GCH1: variants seen among roughly 807,000 people sequenced by gnomAD.
GCH1 encodes the protein GTP cyclohydrolase 1, also known as GTP cyclohydrolase I.
In GCH1, 5 loss-of-function variants were observed where a neutral mutation model predicts 25.9. The ratio of observed to expected loss-of-function variants is 0.19; its 90% CI spans 0.10 to 0.41. GCH1 has a LOEUF of 0.41. GCH1 is among the 10% of genes least tolerant of loss of function. The probability of loss-of-function intolerance (pLI) is 1.00; values close to 1 mark genes in which losing one functional copy is unlikely to be tolerated. For synonymous variants in GCH1, 159 were observed against 129.6 expected, an observed-to-expected ratio of 1.23 and a Z score of -1.54; for missense variants, 261 against 336.5, an observed-to-expected ratio of 0.78 and a Z score of 1.75.
intron 1 of GCH1, among the ~76,000 whole-genome samples, chr14:54,891,236 G>A (rs973651477): frequency 2.5e-4 from 38 of 151,950 alleles, no homozygotes; most frequent in African/African-American, 8.9e-4. Context: ...CCTAGCAGCT[G>A]GGATTACAGG....
At chr14:54,886,608 T>A (rs919703342) in intron 1 of GCH1, among the ~76,000 whole-genome samples, 1 of 152,040 alleles carries the variant, frequency 6.6e-6, no homozygotes, top group Non-Finnish European at 1.5e-5. Context: ...TGAAACTGTC[T>A]CAAAAAACAA....
intron 3 of GCH1, among the ~76,000 whole-genome samples, chr14:54,854,848 G>A (rs764940871): frequency 1.3e-5 from 2 of 152,146 alleles, no homozygotes; most frequent in African/African-American, 4.8e-5. Context: ...TGTGTTGGCC[G>A]AAGTGTGGAG....
intron 1 of GCH1, among the ~76,000 whole-genome samples, chr14:54,896,302 G>A (rs11844799): frequency 0.039 from 5,959 of 152,068 alleles, 430 homozygotes; most frequent in African/African-American, 0.14. Flanking sequence ...GTGCAGAAGC[G>A]TTTATGGACC....
chr14:54,848,105 T>C (rs1409692511), intron 3 of GCH1, among the ~76,000 whole-genome samples: 3 of 151,668 alleles, frequency 2.0e-5, no homozygotes, highest in East Asian at 3.9e-4. Flanking sequence ...TCTTAACTTA[T>C]AGCACAATCT....
At chr14:54,865,821 G>A (rs922979902) in intron 1 of GCH1, among the ~76,000 whole-genome samples, 1 of 152,126 alleles carries the variant, frequency 6.6e-6, no homozygotes, top group African/African-American at 2.4e-5. Flanking sequence ...TAATCAATAT[G>A]TAGAAAACCA....
chr14:54,875,429 T>C (rs968723666), intron 1 of GCH1, among the ~76,000 whole-genome samples: 4 of 152,124 alleles, frequency 2.6e-5, no homozygotes, highest in Non-Finnish European at 5.9e-5. Context: ...ACTTCATGTC[T>C]AAAACACCAA....
At chr14:54,877,820 C>A (rs750051178) in intron 1 of GCH1, among the ~76,000 whole-genome samples, 1 of 152,076 alleles carries the variant, frequency 6.6e-6, no homozygotes, top group African/African-American at 2.4e-5. Context: ...AAGCATACTT[C>A]GAAACAGGGG....
chr14:54,844,166 T>C, intron 5 of GCH1, 23 bp from the exon 6 acceptor site: 2 of 1,555,234 alleles, frequency 1.3e-6, no homozygotes, highest in Non-Finnish European at 1.8e-6. Context: ...GCAACACAGG[T>C]TGTTTAAAGG....
intron 1 of GCH1, among the ~76,000 whole-genome samples, chr14:54,886,504 C>T (rs765865591): frequency 1.1e-4 from 16 of 152,094 alleles, no homozygotes. Context: ...CCCAGCTGCT[C>T]GGGGGGCTGA....
chr14:54,886,708 G>A (rs533306871), intron 1 of GCH1, among the ~76,000 whole-genome samples: 2 of 152,268 alleles, frequency 1.3e-5, no homozygotes, highest in East Asian at 3.9e-4. Context: ...GACTGCTGAA[G>A]AAGAGCCAAC....
At chr14:54,876,412 C>A (rs1055044567) in intron 1 of GCH1, among the ~76,000 whole-genome samples, 1 of 151,968 alleles carries the variant, frequency 6.6e-6, no homozygotes, top group African/African-American at 2.4e-5. Flanking sequence ...TTAATGGGTG[C>A]AGCACACCAA....
intron 3 of GCH1, among the ~76,000 whole-genome samples, chr14:54,856,522 G>A (rs1181071607): frequency 2.6e-5 from 4 of 152,112 alleles, no homozygotes; most frequent in Middle Eastern, 6.8e-3. Flanking sequence ...GTGAAATCTC[G>A]GCTCACTGCA....
At chr14:54,885,249 T>G (rs374124321) in intron 1 of GCH1, 2 of 213,994 alleles carry the variant, frequency 9.3e-6, no homozygotes, top group Non-Finnish European at 1.9e-5. Flanking sequence ...GCCATAGACA[T>G]GGCTGCAGCT....
intron 1 of GCH1, among the ~76,000 whole-genome samples, chr14:54,888,695 T>G (rs2040386182): frequency 6.6e-6 from 1 of 150,502 alleles, no homozygotes; most frequent in African/African-American, 2.5e-5. Context: ...TTTTTTTTTT[T>G]TGTATTTTTA....
chr14:54,871,489 C>G (rs925105681), intron 1 of GCH1, among the ~76,000 whole-genome samples: 1 of 152,200 alleles, frequency 6.6e-6, no homozygotes, highest in Non-Finnish European at 1.5e-5. Context: ...CGGAACAAAG[C>G]CAGACGGAGA....
chr14:54,890,982 C>T (rs568919281), intron 1 of GCH1, among the ~76,000 whole-genome samples: 36 of 152,338 alleles, frequency 2.4e-4, no homozygotes, highest in Non-Finnish European at 4.3e-4. Flanking sequence ...TCCCCTTTAA[C>T]AGTGACTACT....
At chr14:54,872,684 C>T (rs936195918) in intron 1 of GCH1, among the ~76,000 whole-genome samples, 2 of 152,072 alleles carry the variant, frequency 1.3e-5, no homozygotes, top group Non-Finnish European at 2.9e-5. Context: ...CAACAAAAGG[C>T]AGGGGTTGCA....
chr14:54,890,946 A>G (rs941529756), intron 1 of GCH1, among the ~76,000 whole-genome samples: 15 of 152,194 alleles, frequency 9.9e-5, no homozygotes, highest in African/African-American at 3.4e-4. Flanking sequence ...TTGAAGGCCA[A>G]GATCAGGCCA....
intron 1 of GCH1, among the ~76,000 whole-genome samples, chr14:54,884,119 T>C (rs1023615844): frequency 1.3e-5 from 2 of 152,210 alleles, no homozygotes; most frequent in African/African-American, 4.8e-5. Context: ...TATCAAACCA[T>C]GACCTCAAGC....
Sources: allele counts gnomAD v4.1 joint callset (sites outside exome capture counted in the v4.1 genomes callset), GRCh38; gene constraint gnomAD v4.1.1; transcripts MANE v1.5; gene names NCBI Gene and HGNC (gene_info 2026-07-23, HGNC 2026-07-21).